GLG1: variants seen among roughly 807,000 people sequenced by gnomAD.
The protein encoded by GLG1 is golgi glycoprotein 1.
A neutral mutation model predicts 160.5 loss-of-function variants in GLG1; 38 were observed. That is an observed-to-expected ratio of 0.24 (90% CI 0.18 to 0.31). The LOEUF is 0.31. Among genes scored for constraint, GLG1 ranks in the 10% least tolerant of loss-of-function variants. The pLI, the probability that GLG1 is intolerant of heterozygous loss-of-function variation, is 1.00. For synonymous variants in GLG1, 644 were observed against 543.4 expected, an observed-to-expected ratio of 1.19 and a Z score of -2.57; for missense variants, 1,373 against 1,505.2, an observed-to-expected ratio of 0.91 and a Z score of 1.45.
rs1188311311 is a variant in GLG1 at position 74,452,469 on chromosome 16, G to C, written c.*698C>G. ...CTCATGCTTTGCTTCAATGAAGCGA[G>C]GAGACCACAGAAATACCCATGGCTG... is the stretch of plus-strand genomic sequence containing the variant. On this transcript the variant is annotated 3_prime_UTR_variant, in exon 26 of 26. Coordinates refer to ENST00000422840, the MANE Select transcript of GLG1 (RefSeq NM_001145667.2). 1 of 1,076,508 alleles carries C rather than the reference G, an allele frequency of 9.3e-7. No homozygotes were observed. The highest frequency in any genetic ancestry group is 1.1e-6 in the Non-Finnish European group (1 of 882,434). The allele number at this position is 1,076,508 out of a possible 1,614,324, so 66.7% of individuals were successfully genotyped here.
At chr16:74,510,038 T>C (rs1158018400) in intron 2 of GLG1, among the ~76,000 whole-genome samples, 6 of 151,464 alleles carry the variant, frequency 4.0e-5, no homozygotes, top group Non-Finnish European at 8.8e-5. Context: ...CTACTTTTTT[T>C]TTTTTTTTTT....
intron 1 of GLG1, among the ~76,000 whole-genome samples, chr16:74,571,659 GGAA>G (rs869215528): frequency 1.5e-4 from 2 of 13,582 alleles, no homozygotes; most frequent in Non-Finnish European, 2.5e-4. Flanking sequence ...ATCTCAAAAA[GGAA>G]AAAAAAAAAA....
intron 1 of GLG1, among the ~76,000 whole-genome samples, chr16:74,602,565 C>T (rs79495235): frequency 2.0e-5 from 3 of 152,042 alleles, no homozygotes; most frequent in Admixed American, 6.6e-5. Context: ...GGGCAGATCA[C>T]GAGGTCAGGA....
intron 22 of GLG1, among the ~76,000 whole-genome samples, chr16:74,461,246 C>T (rs940643532): frequency 2.6e-5 from 4 of 150,982 alleles, no homozygotes; most frequent in African/African-American, 9.8e-5. Context: ...CGGCTCACTG[C>T]AAGCTCTGCC....
intron 3 of GLG1, among the ~76,000 whole-genome samples, chr16:74,506,581 CAA>C (rs56175030): frequency 2.3e-4 from 9 of 39,048 alleles, no homozygotes; most frequent in African/African-American, 3.3e-4. Context: ...GACTCCGTCT[CAA>C]AAAAAAAAAA....
intron 16 of GLG1, chr16:74,469,318 GCAACGACAGTT>G: frequency 5.7e-6 from 3 of 522,650 alleles, no homozygotes; most frequent in Non-Finnish European, 1.0e-5. Context: ...GCACATGTGT[GCAACGACAGTT>G]CAACATCTGT....
intron 1 of GLG1, among the ~76,000 whole-genome samples, chr16:74,600,591 G>T (rs920315564): frequency 1.3e-5 from 2 of 149,748 alleles, no homozygotes; most frequent in African/African-American, 4.9e-5. Flanking sequence ...AATTAGCCGG[G>T]TGTGGTAGCG....
At chr16:74,487,516 G>A (rs955779868) in intron 8 of GLG1, among the ~76,000 whole-genome samples, 6 of 152,082 alleles carry the variant, frequency 3.9e-5, no homozygotes, top group South Asian at 2.1e-4. Context: ...AATATTCTAC[G>A]ATAGAAGTTA....
intron 2 of GLG1, among the ~76,000 whole-genome samples, chr16:74,530,414 T>A (rs937181581): frequency 6.6e-6 from 1 of 152,196 alleles, no homozygotes; most frequent in African/African-American, 2.4e-5. Context: ...GTAACAGTTC[T>A]CAGGGAACTG....
At chr16:74,469,136 G>A in intron 16 of GLG1, 73 bp from the exon 17 acceptor site, 3 of 911,340 alleles carry the variant, frequency 3.3e-6, no homozygotes, top group South Asian at 1.3e-5. Context: ...GGCTTGGGGG[G>A]GGTCACACCA....
chr16:74,572,455 G>A (rs1270682005), intron 1 of GLG1, among the ~76,000 whole-genome samples: 1 of 150,902 alleles, frequency 6.6e-6, no homozygotes, highest in Non-Finnish European at 1.5e-5. Context: ...AGGTTGCAGT[G>A]TGAGCCGAGA....
rs2143073945 is a variant in GLG1 at position 74,448,330 on chromosome 16, G to C, written c.*4837C>G. ...AGTCTAGTGGAGAGGAGGCGAGTGGGGAGGAAGGAAGTGTCCCTCAAGGCC... is the reference window on the plus strand; with the variant it reads ...AGTCTAGTGGAGAGGAGGCGAGTGGCGAGGAAGGAAGTGTCCCTCAAGGCC... On this transcript the variant is annotated 3_prime_UTR_variant, in exon 26 of 26. Transcript: ENST00000422840. The C allele has an allele frequency of 6.6e-6, 1 of 152,330 alleles. No individual in the cohort carries two copies. Among genetic ancestry groups the C allele is most frequent in the South Asian group, 2.1e-4 (1 of 4,820 alleles). 9.4% of individuals were successfully genotyped at this position (152,330 alleles called of 1,614,324 possible).
chr16:74,528,566 C>T (rs903953374), intron 2 of GLG1, among the ~76,000 whole-genome samples: 8 of 151,988 alleles, frequency 5.3e-5, no homozygotes, highest in Non-Finnish European at 1.0e-4. Context: ...AATCCCAGTA[C>T]TTTGGCAAGT....
chr16:74,503,328 C>T (rs935914800), intron 4 of GLG1, among the ~76,000 whole-genome samples: 2 of 152,138 alleles, frequency 1.3e-5, no homozygotes, highest in African/African-American at 4.8e-5. Flanking sequence ...TCCTCTGCTT[C>T]CCATACAGTA....
chr16:74,517,010 T>C (rs956168294), intron 2 of GLG1, among the ~76,000 whole-genome samples: 9 of 152,176 alleles, frequency 5.9e-5, no homozygotes, highest in South Asian at 2.1e-4. Flanking sequence ...CAGGAAGAAG[T>C]TGAATCTCTG....
At chr16:74,528,486 T>A (rs2017412626) in intron 2 of GLG1, among the ~76,000 whole-genome samples, 1 of 152,068 alleles carries the variant, frequency 6.6e-6, no homozygotes, top group Non-Finnish European at 1.5e-5. Flanking sequence ...TGTTGAGTTT[T>A]CTTTTTATCT....
At chr16:74,523,493 G>A (rs1385657003) in intron 2 of GLG1, among the ~76,000 whole-genome samples, 1 of 151,998 alleles carries the variant, frequency 6.6e-6, no homozygotes, top group Non-Finnish European at 1.5e-5. Context: ...ATAAATATGG[G>A]ATTGCACAGA....
rs975762925 is a variant in GLG1 at position 74,573,330 on chromosome 16, T to C, written c.438+33327A>G. Among the ~76,000 whole-genome samples, 6 of 152,174 alleles carry C rather than the reference T, an allele frequency of 3.9e-5. No individual in the cohort carries two copies. The East Asian group carries it at 1.2e-3, about 29-fold the overall frequency. Reference sequence around the variant, plus strand: ...AGAAAGTGCTAAATATCTGGGTAAATATATTTTTTTTAAAAATTGCTTTTT... The same window carrying C: ...AGAAAGTGCTAAATATCTGGGTAAACATATTTTTTTTAAAAATTGCTTTTT... On this transcript the variant is annotated intron_variant, in intron 1 of 25. Coordinates refer to ENST00000422840, the MANE Select transcript of GLG1 (RefSeq NM_001145667.2).
chr16:74,596,418 A>G (rs1333818564), intron 1 of GLG1, among the ~76,000 whole-genome samples: 1 of 151,696 alleles, frequency 6.6e-6, no homozygotes, highest in Non-Finnish European at 1.5e-5. Context: ...AAACCCAGCT[A>G]CTCGGGAAGC....
Sources: gnomAD v4.1 joint callset for allele counts (sites outside exome capture counted in the v4.1 genomes callset) on GRCh38, gnomAD v4.1.1 for gene constraint, MANE v1.5 for transcripts, NCBI Gene and HGNC (gene_info 2026-07-23, HGNC 2026-07-21) for gene names.